Variants in RBBP9 observed in about 807,000 individuals in gnomAD.
RBBP9 encodes RB binding protein 9, serine hydrolase, also known as serine hydrolase RBBP9.
RBBP9 carries 20 observed loss-of-function variants against 24.2 expected under a neutral mutation model. The observed-to-expected ratio is 0.83, with a 90% CI of 0.58 to 1.20. The LOEUF (loss-of-function observed/expected upper bound fraction) is 1.20. RBBP9 is among the 50% of genes most tolerant of loss of function. The pLI is 0.00. For synonymous variants in RBBP9, 74 were observed against 84.6 expected, an observed-to-expected ratio of 0.87 and a Z score of 0.69; for missense variants, 234 against 233.6, an observed-to-expected ratio of 1.00 and a Z score of -0.01.
intron 4 of RBBP9, 52 bp downstream of exon 4, chr20:18,490,343 C>T: frequency 7.1e-7 from 1 of 1,416,422 alleles, no homozygotes; most frequent in South Asian, 1.2e-5. Context: ...CCTAAACAGA[C>T]AGCCCCATGT....
chr20:18,495,957 C>A, intron 1 of RBBP9, 77 bp from the exon 2 acceptor site: 1 of 1,200,338 alleles, frequency 8.3e-7, no homozygotes, highest in East Asian at 2.6e-5. Context: ...AGAAATGAGG[C>A]ACCTGATATG....
chr20:18,493,066 C>T (rs985381369), intron 3 of RBBP9, among the ~76,000 whole-genome samples: 5 of 152,186 alleles, frequency 3.3e-5, no homozygotes, highest in Non-Finnish European at 7.4e-5. Flanking sequence ...GCCTAAGTGA[C>T]TGCTTGGGAC....
At chr20:18,495,990 C>T (rs1326710365) in intron 1 of RBBP9, 110 bp from the exon 2 acceptor site, 2 of 930,402 alleles carry the variant, frequency 2.1e-6, no homozygotes, top group African/African-American at 3.4e-5. Flanking sequence ...TCAGTATTAA[C>T]TTGTGTTATG....
chr20:18,494,706 C>T lies in RBBP9; in HGVS notation c.143-643G>A, dbSNP rs531046637. The stretch of plus-strand genomic sequence containing the variant: ...AAAAAAAAAAGCAAAAAAACTCTTG[C>T]AACATTCTAAAATTCACATTTATTC... On this transcript the variant is annotated intron_variant, in intron 2 of 4. Transcript: ENST00000337227. Among the ~76,000 whole-genome samples, 3 of 152,038 alleles carry T rather than the reference C, an allele frequency of 2.0e-5. No homozygotes were observed. The South Asian group carries it at 6.2e-4, about 32-fold the overall frequency.
At chr20:18,495,770 C>T (rs1229072561) in intron 2 of RBBP9, 68 bp downstream of exon 2, 1 of 1,451,434 alleles carries the variant, frequency 6.9e-7, no homozygotes, top group Non-Finnish European at 9.7e-7. Context: ...TTCTTGTTCT[C>T]TACCACAAAA....
At chr20:18,491,951 G>A (rs1242172968) in intron 3 of RBBP9, among the ~76,000 whole-genome samples, 2 of 151,856 alleles carry the variant, frequency 1.3e-5, no homozygotes, top group African/African-American at 4.8e-5. Flanking sequence ...ACAAAAATTA[G>A]CCAGGTGTGG....
chr20:18,497,079 T>A lies in RBBP9; in HGVS notation c.89A>T (p.Glu30Val). 1.2e-6 allele frequency: 2 copies of A among 1,613,984 alleles called. No individual in the cohort carries two copies. The highest frequency in any genetic ancestry group is 2.2e-5 in the South Asian group (2 of 91,076). ...GCGTTGGGCGCTTACCTTCTCCAGC[T>A]CCTTTTTCACCCAGCCATACCAGCC... ...THGWYGWVKK[E>V]LEKIPGFQCL... The change falls in exon 1 of 5, where the codon GAG (glutamate) becomes GTG (valine). Residue 30 changes from glutamate (E) to valine (V), a missense_variant. By Grantham distance (121) the Glu-to-Val change is moderately radical. Transcript: ENST00000337227.
At chr20:18,490,350 A>G in intron 4 of RBBP9, 45 bp downstream of exon 4, 6 of 1,452,276 alleles carry the variant, frequency 4.1e-6, no homozygotes, top group Non-Finnish European at 5.8e-6. Context: ...AGACAGCCCC[A>G]TGTCTAGAGA....
intron 2 of RBBP9, among the ~76,000 whole-genome samples, chr20:18,495,077 C>G (rs950312765): frequency 3.3e-5 from 5 of 151,372 alleles, no homozygotes; most frequent in Non-Finnish European, 5.9e-5. Flanking sequence ...ACCACCCCGT[C>G]TGGGAGGTGT....
At chr20:18,490,640 T>C (rs528012813) in intron 3 of RBBP9, among the ~76,000 whole-genome samples, 160 bp from the exon 4 acceptor site, 1 of 152,058 alleles carries the variant, frequency 6.6e-6, no homozygotes, top group South Asian at 2.1e-4. Context: ...TGCAGAACTA[T>C]AAGCCCAACC....
intron 2 of RBBP9, among the ~76,000 whole-genome samples, chr20:18,495,026 G>A (rs1028765112): frequency 1.3e-4 from 19 of 151,930 alleles, no homozygotes; most frequent in Non-Finnish European, 2.4e-4. Context: ...GCCTCTGCCC[G>A]GCCGCCCCTA....
Position 18,490,450 on chromosome 20 carries a change from A to AATAGC in RBBP9, c.274_278dup (p.Ile93MetfsTer5), listed in dbSNP as rs1568586681. On this transcript the variant is annotated frameshift_variant, in exon 4 of 5. Coordinates refer to ENST00000337227, the MANE Select transcript of RBBP9 (RefSeq NM_006606.3). LOFTEE classifies it high-confidence loss of function. ...CTGATGTGTACGCAGACACTAATACAATAGCATATACTCGATGTGTTTCTG... is the reference window on the plus strand; with the variant it reads ...CTGATGTGTACGCAGACACTAATACAATAGCATAGCATATACTCGATGTGTTTCTG... 3 of 1,613,656 alleles carry AATAGC rather than the reference A, an allele frequency of 1.9e-6. No homozygotes were observed. The highest frequency in any genetic ancestry group is 1.7e-6 in the Non-Finnish European group (2 of 1,179,654).
rs1453023034 is a variant in RBBP9 at position 18,488,252 on chromosome 20, G to GT, written c.*1511dup. On this transcript the variant is annotated 3_prime_UTR_variant, in exon 5 of 5. Coordinates refer to ENST00000337227, the MANE Select transcript of RBBP9 (RefSeq NM_006606.3). ...AATGTTGGGAAATGAAAAAGGGTGG[G>GT]TTTTTTTAATTAAAAAAAAATTTTT... is the stretch of plus-strand genomic sequence containing the variant. 6.6e-6 allele frequency: 1 copy of GT among 151,656 alleles called. No homozygotes were observed. Among genetic ancestry groups the GT allele is most frequent in the African/African-American group, 2.4e-5 (1 of 41,150 alleles). 9.4% of individuals were successfully genotyped at this position (151,656 alleles called of 1,614,324 possible). A position where few individuals can be genotyped will look rare whatever the true frequency, so the allele number is the denominator to read the frequency against.
intron 3 of RBBP9, among the ~76,000 whole-genome samples, chr20:18,492,286 T>A (rs2059869209): frequency 6.6e-6 from 1 of 152,214 alleles, no homozygotes; most frequent in Admixed American, 6.5e-5. Context: ...GTACCAAAAA[T>A]GTCCTTTAAA....
At chr20:18,497,028 C>T (rs753976494) in intron 1 of RBBP9, 41 bp downstream of exon 1, 14 of 1,556,468 alleles carry the variant, frequency 9.0e-6, no homozygotes, top group Non-Finnish European at 1.2e-5. Flanking sequence ...CCGTCCCTCC[C>T]TCCAGGCTGA....
rs913487593 is a variant in RBBP9, at chr20:18,487,126, T to C, written c.*2638A>G. ...TCTATAATGACGGAAATAGCCTATA[T>C]TGGCTGGTCAGTAAGGTAACCAATA... On this transcript the variant is annotated 3_prime_UTR_variant, in exon 5 of 5. Transcript: ENST00000337227. 2.6e-5 allele frequency: 4 copies of C among 152,236 alleles called. No individual in the cohort carries two copies. Among genetic ancestry groups the C allele is most frequent in the Non-Finnish European group, 4.4e-5 (3 of 68,042 alleles). 9.4% of individuals were successfully genotyped at this position (152,236 alleles called of 1,614,324 possible). A position where few individuals can be genotyped will look rare whatever the true frequency, so the allele number is the denominator to read the frequency against.
intron 3 of RBBP9, among the ~76,000 whole-genome samples, chr20:18,493,283 G>A (rs1174803282): frequency 6.6e-6 from 1 of 152,162 alleles, no homozygotes; most frequent in Non-Finnish European, 1.5e-5. Context: ...GAGTAACACT[G>A]CAGACACAAT....
chr20:18,491,497 G>A (rs2059865292), intron 3 of RBBP9, among the ~76,000 whole-genome samples: 1 of 152,098 alleles, frequency 6.6e-6, no homozygotes, highest in Non-Finnish European at 1.5e-5. Context: ...CAGGATGTCA[G>A]ATGCAATGCA....
At position 18,489,687 on chromosome 20, in the gene RBBP9, ATG is replaced by A; in HGVS notation, c.*75_*76del. ...CTTACGGAACTTAACTGGATGTTCT[ATG>A]TGTCTAGTAATCAGCTGATAGTAGA... On this transcript the variant is annotated 3_prime_UTR_variant, in exon 5 of 5. Transcript: ENST00000337227. The A allele has an allele frequency of 1.1e-6, 1 of 940,616 alleles. No individual in the cohort carries two copies. Among genetic ancestry groups the A allele is most frequent in the Non-Finnish European group, 1.6e-6 (1 of 611,450 alleles). The allele number at this position is 940,616 out of a possible 1,614,324, so 58.3% of individuals were successfully genotyped here. A position where few individuals can be genotyped will look rare whatever the true frequency, so the allele number is the denominator to read the frequency against.
Sources: gnomAD v4.1 joint callset for allele counts (sites outside exome capture counted in the v4.1 genomes callset) on GRCh38, gnomAD v4.1.1 for gene constraint, MANE v1.5 for transcripts, NCBI Gene and HGNC (gene_info 2026-07-23, HGNC 2026-07-21) for gene names.